ELOVL7: variants seen among roughly 807,000 people sequenced by gnomAD.
ELOVL7 encodes the protein ELOVL fatty acid elongase 7, also known as very long chain fatty acid elongase 7.
In ELOVL7, 27 loss-of-function variants were observed where a neutral mutation model predicts 35.7. The ratio of observed to expected loss-of-function variants is 0.76; its 90% CI spans 0.56 to 1.04. The LOEUF (loss-of-function observed/expected upper bound fraction) is 1.04. Ranked by LOEUF, ELOVL7 falls within the 50% of genes least tolerant of loss-of-function variation. The probability of loss-of-function intolerance (pLI) is 0.00; values close to 1 mark genes in which losing one functional copy is unlikely to be tolerated. For missense variants in ELOVL7, 327 were observed against 340.8 expected (o/e 0.96, Z 0.32); for synonymous variants, 113 against 114.6 (o/e 0.99, Z 0.09).
chr5:60,757,414 T>C, intron 8 of ELOVL7, 95 bp downstream of exon 8: 1 of 1,300,642 alleles, frequency 7.7e-7, no homozygotes, highest in Admixed American at 1.9e-5. Flanking sequence ...TATTGTTTTG[T>C]CTTTCTTCTT....
intron 1 of ELOVL7, among the ~76,000 whole-genome samples, chr5:60,838,976 T>G (rs1419207536): frequency 1.3e-5 from 2 of 150,696 alleles, no homozygotes; most frequent in Non-Finnish European, 2.9e-5. Context: ...TGAGCAGAGA[T>G]AGCGCCATTG....
intron 2 of ELOVL7, among the ~76,000 whole-genome samples, chr5:60,790,897 A>T (rs927632780): frequency 6.6e-6 from 1 of 152,264 alleles, no homozygotes; most frequent in Non-Finnish European, 1.5e-5. Flanking sequence ...GTAGCACAGA[A>T]TCTGATTTTT....
intron 1 of ELOVL7, among the ~76,000 whole-genome samples, chr5:60,818,556 A>G (rs1453034377): frequency 1.3e-5 from 2 of 152,182 alleles, no homozygotes; most frequent in African/African-American, 4.8e-5. Flanking sequence ...GGCCATACAT[A>G]GAAGGAAGTA....
chr5:60,817,446 T>A (rs966045729), intron 1 of ELOVL7, among the ~76,000 whole-genome samples: 3 of 151,528 alleles, frequency 2.0e-5, no homozygotes, highest in African/African-American at 7.3e-5. Context: ...ACACACTTTG[T>A]TAGTCAAAGT....
intron 8 of ELOVL7, among the ~76,000 whole-genome samples, chr5:60,756,144 G>T (rs1011923525): frequency 9.2e-5 from 14 of 152,010 alleles, no homozygotes; most frequent in South Asian, 4.2e-4. Context: ...ACATATTTGA[G>T]AATATGATGA....
chr5:60,762,387 AC>A (rs1253542646), intron 7 of ELOVL7, among the ~76,000 whole-genome samples: 1 of 152,004 alleles, frequency 6.6e-6, no homozygotes, highest in Non-Finnish European at 1.5e-5. Flanking sequence ...AATGGAAACT[AC>A]ACTATCAATG....
In ELOVL7 at chr5:60,754,366, AC is replaced by A. The variant is rs1741405629; in HGVS notation, c.*257del. The A allele has an allele frequency of 9.2e-6, 4 of 436,200 alleles. No homozygotes were observed. The highest frequency in any genetic ancestry group is 1.7e-5 in the Non-Finnish European group (4 of 241,384). 27.0% of individuals were successfully genotyped at this position (436,200 alleles called of 1,614,324 possible). ...ACTGCAACAAAATGTTTTAAACAAA[AC>A]CTTTGGATTAGGTTTAAAAGCAGCT... On this transcript the variant is annotated 3_prime_UTR_variant, in exon 9 of 9. Coordinates refer to ENST00000508821, the MANE Select transcript of ELOVL7 (RefSeq NM_024930.3).
At chr5:60,783,999 A>C (rs1743415782) in intron 3 of ELOVL7, 1 of 686,750 alleles carries the variant, frequency 1.5e-6, no homozygotes, top group Non-Finnish European at 2.6e-6. Context: ...TCTATACCCC[A>C]ATGATTACCA....
chr5:60,817,677 T>C (rs1055304683), intron 1 of ELOVL7, among the ~76,000 whole-genome samples: 20 of 147,308 alleles, frequency 1.4e-4, no homozygotes, highest in Non-Finnish European at 1.9e-4. Flanking sequence ...TACACATATA[T>C]ACACACACAC....
intron 1 of ELOVL7, among the ~76,000 whole-genome samples, chr5:60,843,721 C>T (rs34741733): frequency 0.38 from 58,228 of 152,106 alleles, 12,224 homozygotes; most frequent in East Asian, 0.8. Context: ...CTTCTCCCTC[C>T]CAGTCCCGCC....
chr5:60,843,988 G>T (rs1579962076), intron 1 of ELOVL7, among the ~76,000 whole-genome samples, 172 bp downstream of exon 1: 1 of 151,960 alleles, frequency 6.6e-6, no homozygotes, highest in South Asian at 2.1e-4. Flanking sequence ...GCCTGGCCCC[G>T]CTCCCGGGGC....
At chr5:60,764,175 A>C (rs1441031001) in intron 7 of ELOVL7, 52 bp downstream of exon 7, 1 of 1,175,442 alleles carries the variant, frequency 8.5e-7, no homozygotes, top group African/African-American at 1.6e-5. Context: ...TTTTGTTTTT[A>C]GCATATAGAA....
intron 2 of ELOVL7, among the ~76,000 whole-genome samples, chr5:60,795,000 G>A (rs1011688641): frequency 1.3e-5 from 2 of 152,206 alleles, no homozygotes; most frequent in African/African-American, 2.4e-5. Flanking sequence ...GGGAGGAGAA[G>A]GGTACAGGGC....
intron 4 of ELOVL7, 40 bp downstream of exon 4, chr5:60,771,863 C>T: frequency 3.5e-6 from 5 of 1,423,894 alleles, no homozygotes; most frequent in Non-Finnish European, 4.8e-6. Context: ...CAGAAAAACT[C>T]AGGCAAAATT....
intron 7 of ELOVL7, among the ~76,000 whole-genome samples, chr5:60,761,030 T>C (rs939972053): frequency 7.6e-6 from 1 of 131,996 alleles, no homozygotes; most frequent in Non-Finnish European, 1.5e-5. Flanking sequence ...TCTGACAAGC[T>C]ATTTTAATAT....
intron 4 of ELOVL7, among the ~76,000 whole-genome samples, chr5:60,770,843 G>A (rs760511689): frequency 2.6e-5 from 4 of 152,130 alleles, no homozygotes; most frequent in East Asian, 1.9e-4. Flanking sequence ...GACCACGGGC[G>A]TGCACCGCCA....
At chr5:60,780,137 TA>T (rs1382941686) in intron 3 of ELOVL7, among the ~76,000 whole-genome samples, 2 of 132,180 alleles carry the variant, frequency 1.5e-5, no homozygotes, top group Admixed American at 7.3e-5. Context: ...TTTTTTTTTT[TA>T]GATGTAGTTT....
At chr5:60,814,475 G>C (rs1042261536) in intron 1 of ELOVL7, among the ~76,000 whole-genome samples, 5 of 152,156 alleles carry the variant, frequency 3.3e-5, no homozygotes, top group Non-Finnish European at 5.9e-5. Flanking sequence ...TCTACTTCTT[G>C]AGGCAAGGGA....
chr5:60,757,484 G>T lies in ELOVL7; in HGVS notation c.636+25C>A, dbSNP rs531969561. 1.9e-6 allele frequency: 3 copies of T among 1,609,944 alleles called. No homozygotes were observed. In the South Asian group the frequency reaches 3.3e-5, roughly 18 times the overall value. On this transcript the variant is annotated intron_variant, in intron 8 of 8. Transcript: ENST00000508821. Reference sequence around the variant, plus strand: ...AGTGACTCTAGCTGCTTCATATATGGTTTTAAAGACAATTAATTACTCACA... The same window carrying T: ...AGTGACTCTAGCTGCTTCATATATGTTTTTAAAGACAATTAATTACTCACA...
Sources: allele counts gnomAD v4.1 joint callset (sites outside exome capture counted in the v4.1 genomes callset), GRCh38; gene constraint gnomAD v4.1.1; transcripts MANE v1.5; gene names NCBI Gene and HGNC (gene_info 2026-07-23, HGNC 2026-07-21).